Variants in KCP observed in about 807,000 individuals in gnomAD.
KCP encodes kielin/chordin-like protein.
Under a neutral mutation model 212.7 loss-of-function variants are expected in KCP, and 194 were observed. The observed-to-expected ratio is 0.91, with a 90% CI of 0.81 to 1.03. KCP has a LOEUF of 1.03. Among genes scored for constraint, KCP ranks in the 50% least tolerant of loss-of-function variants. The pLI is 0.00. For missense variants in KCP, 2,080 were observed against 2,162.5 expected (o/e 0.96, Z 0.76); for synonymous variants, 833 against 865.3 (o/e 0.96, Z 0.65).
At chr7:128,896,539 T>A (rs1469985908) in intron 8 of KCP, among the ~76,000 whole-genome samples, 1 of 152,148 alleles carries the variant, frequency 6.6e-6, no homozygotes. Context: ...TCGTGGGACA[T>A]GCGGAGCTTT....
Position 128,888,986 on chromosome 7 carries a change from G to T in KCP, c.2389C>A (p.Arg797=). The change falls in exon 22 of 40, where the codon CGA becomes AGA. Residue 797 remains arginine, a synonymous_variant. Transcript: ENST00000610776. ...YLSNQEFPDP[R]EPCNLCTCLG... ...CAGGTACACAGGTTGCAGGGTTCTC[G>T]GGGGTCTGGGAACTCCTGGTTACTC... The T allele has an allele frequency of 6.5e-7, 1 of 1,543,134 alleles. No homozygotes were observed. The highest frequency in any genetic ancestry group is 8.8e-7 in the Non-Finnish European group (1 of 1,141,906).
At chr7:128,883,501 G>A (rs954219588) in intron 29 of KCP, among the ~76,000 whole-genome samples, 18 of 151,990 alleles carry the variant, frequency 1.2e-4, no homozygotes, top group African/African-American at 4.4e-4. Context: ...TTTCAGTGTT[G>A]GTATAGGACC....
intron 4 of KCP, 44 bp downstream of exon 4, chr7:128,907,057 A>G (rs1447122476): frequency 6.6e-7 from 1 of 1,522,820 alleles, no homozygotes; most frequent in Non-Finnish European, 8.9e-7. Flanking sequence ...AGCTGGAGAG[A>G]GGCAGACAGG....
rs1793544524 is a variant in KCP at position 128,884,825 on chromosome 7, T to G, written c.3079A>C (p.Ser1027Arg). 1 of 1,550,438 alleles carries G rather than the reference T, an allele frequency of 6.4e-7. No individual in the cohort carries two copies. Among genetic ancestry groups the G allele is most frequent in the African/African-American group, 1.4e-5 (1 of 72,828 alleles). ...HEGRKYEPGESFQPGADPCEV... is the reference protein window; with the variant it reads ...HEGRKYEPGERFQPGADPCEV... ...CAGGGGTCTGCCCCAGGCTGGAAGC[T>G]CTCCCCAGGCTCGTACTTCCGGCCC... Residue 1027 changes from serine (S) to arginine (R), a missense_variant, in exon 28 of 40, where the codon AGC becomes CGC. Ser to Arg is a moderately radical substitution (Grantham distance 110, BLOSUM62 -1). Coordinates refer to ENST00000610776, the MANE Select transcript of KCP (RefSeq NM_001366122.1).
chr7:128,894,574 T>TA (rs1275104574), intron 8 of KCP, among the ~76,000 whole-genome samples: 1 of 151,942 alleles, frequency 6.6e-6, no homozygotes. Context: ...TTTGAGATGA[T>TA]AAAAAAGACT....
At chr7:128,906,195 C>G (rs1795109420) in intron 5 of KCP, 84 bp downstream of exon 5, 1 of 1,196,736 alleles carries the variant, frequency 8.4e-7, no homozygotes, top group African/African-American at 1.5e-5. Context: ...CTGGGCATGT[C>G]CCAGACTCAC....
Position 128,907,391 on chromosome 7 carries a change from G to C in KCP, c.282C>G (p.Pro94=). Residue 94 remains proline, a synonymous_variant, in exon 3 of 40, where the codon CCC becomes CCG. Coordinates refer to ENST00000610776, the MANE Select transcript of KCP (RefSeq NM_001366122.1). The part of the protein sequence containing the change: ...LESCECHPAS[P]QCWGLGRAWP... ...AGGCACGCCCCAGCCCCCAGCACTG[G>C]GGAGATGCAGGGTGGCACTCACAGG... 6.5e-7 allele frequency: 1 copy of C among 1,532,806 alleles called. No homozygotes were observed. Among genetic ancestry groups the C allele is most frequent in the Non-Finnish European group, 8.8e-7 (1 of 1,132,410 alleles). 95.0% of individuals were successfully genotyped at this position (1,532,806 alleles called of 1,614,324 possible).
At chr7:128,903,936 T>C (rs1794990732) in intron 6 of KCP, 116 bp from the exon 7 acceptor site, 1 of 1,346,890 alleles carries the variant, frequency 7.4e-7, no homozygotes. Context: ...AGGGAGAACC[T>C]AGCTGGCTCC....
rs958464319 is a variant in KCP at position 128,880,412 on chromosome 7, G to A, written c.3733C>T (p.Arg1245Cys). ...MAGTVRCQSQ[R>C]CSPLSCGPDK... ...GGGCCACACGAGAGCGGTGAGCAGC[G>A]CTGGCTCTGGCAACGCACGGTGCCC... Residue 1245 changes from arginine (R) to cysteine (C), a missense_variant, in exon 34 of 40, where the codon CGC becomes TGC. By Grantham distance (180) the Arg-to-Cys change is radical (BLOSUM62 -3). Transcript: ENST00000610776. 20 of 1,542,788 alleles carry A rather than the reference G, an allele frequency of 1.3e-5. No individual in the cohort carries two copies. The highest frequency in any genetic ancestry group is 9.6e-5 in the African/African-American group (7 of 73,022).
In KCP at chr7:128,891,708, GGGCGA is replaced by G; in HGVS notation, c.1728_1732del (p.Arg577LeufsTer40). ...GTGGGCACAGGGGGCCCTGGGGCAG[GGGCGA>G]GGCTGGCAGTGGGCATGGCCTTCCT... On this transcript the variant is annotated frameshift_variant, in exon 17 of 40. Transcript: ENST00000610776. LOFTEE classifies it high-confidence loss of function. The G allele has an allele frequency of 6.9e-7, 1 of 1,449,868 alleles. No individual in the cohort carries two copies. Among genetic ancestry groups the G allele is most frequent in the Non-Finnish European group, 9.1e-7 (1 of 1,099,664 alleles). 89.8% of individuals were successfully genotyped at this position (1,449,868 alleles called of 1,614,324 possible). A position where few individuals can be genotyped will look rare whatever the true frequency, so the allele number is the denominator to read the frequency against.
intron 16 of KCP, among the ~76,000 whole-genome samples, chr7:128,892,148 C>T (rs1794192056): frequency 6.6e-6 from 1 of 151,840 alleles, no homozygotes; most frequent in African/African-American, 2.4e-5. Flanking sequence ...ATCCCAGCAC[C>T]CGGCCTCCTA....
intron 1 of KCP, among the ~76,000 whole-genome samples, chr7:128,908,833 T>A (rs1035761822): frequency 6.6e-6 from 1 of 152,138 alleles, no homozygotes; most frequent in Admixed American, 6.5e-5. Flanking sequence ...GCAGCCCCCA[T>A]CCCCTGACTC....
chr7:128,908,270 G>T (rs947897381), intron 2 of KCP, among the ~76,000 whole-genome samples, 156 bp downstream of exon 2: 1 of 149,322 alleles, frequency 6.7e-6, no homozygotes, highest in Admixed American at 6.7e-5. Context: ...AAGAAAGAAA[G>T]AAAGAAAGAA....
chr7:128,879,278 G>T (rs1563017894), intron 37 of KCP: 1 of 533,034 alleles, frequency 1.9e-6, no homozygotes, highest in Non-Finnish European at 3.4e-6. Context: ...TGGCCCAGAG[G>T]AGGCTGGTGG....
At position 128,894,025 on chromosome 7, in the gene KCP, C is replaced by T; in HGVS notation, c.956G>A (p.Ser319Asn). The change falls in exon 10 of 40, where the codon AGC becomes AAC. Residue 319 changes from serine to asparagine, a missense_variant. Ser to Asn is a conservative substitution (Grantham distance 46). Coordinates refer to ENST00000610776, the MANE Select transcript of KCP (RefSeq NM_001366122.1). ...GTCCCCTGAGCCCACAGGCTCCCCG[C>T]TGCGGTGCTCCCGCCCGTTTAGGAA... ...GCFLNGREHR[S>N]GEPVGSGDPC... is the part of the protein sequence containing the mutation. 6.5e-7 allele frequency: 1 copy of T among 1,550,134 alleles called. No individual in the cohort carries two copies. The highest frequency in any genetic ancestry group is 8.7e-7 in the Non-Finnish European group (1 of 1,146,420).
In KCP at chr7:128,906,167, G is replaced by T. The variant is rs1418116817; in HGVS notation, c.571+112C>A. ...CTGCACTCCCCTGGCCACTGTCAGA[G>T]TGAGTGGGTAGGCACCCCTGGGCAT... is the stretch of plus-strand genomic sequence containing the variant. On this transcript the variant is annotated intron_variant, in intron 5 of 39. Coordinates refer to ENST00000610776, the MANE Select transcript of KCP (RefSeq NM_001366122.1). 3 of 870,196 alleles carry T rather than the reference G, an allele frequency of 3.4e-6. No homozygotes were observed. In the East Asian group the frequency reaches 7.9e-5, roughly 23 times the overall value. 53.9% of individuals were successfully genotyped at this position (870,196 alleles called of 1,614,324 possible).
At chr7:128,901,624 T>TC (rs1270175084) in intron 8 of KCP, among the ~76,000 whole-genome samples, 1 of 144,472 alleles carries the variant, frequency 6.9e-6, no homozygotes, top group Non-Finnish European at 1.5e-5. Flanking sequence ...AGACTCCGCC[T>TC]CAAAAAAAAA....
In KCP at chr7:128,892,929, G is replaced by A. The variant is rs1298690166; in HGVS notation, c.1360C>T (p.Pro454Ser). 1.3e-6 allele frequency: 2 copies of A among 1,498,434 alleles called. No homozygotes were observed. The highest frequency in any genetic ancestry group is 2.5e-5 in the East Asian group (1 of 40,650). 92.8% of individuals were successfully genotyped at this position (1,498,434 alleles called of 1,614,324 possible). The change falls in exon 14 of 40, where the codon CCC becomes TCC. Residue 454 changes from proline (P) to serine (S), a missense_variant. Physicochemically the swap from Pro to Ser is moderately conservative, Grantham distance 74 (BLOSUM62 -1). Transcript: ENST00000610776. The stretch of plus-strand genomic sequence containing the variant: ...GGGCAGAGCACAGCCCCGCACTTGG[G>A]TACCCCATCTTGACAGACGCAGGCG... ...CTACVCQDGV[P>S]KCGAVLCPPA...
intron 28 of KCP, 72 bp downstream of exon 28, chr7:128,884,709 C>T: frequency 2.9e-6 from 4 of 1,376,048 alleles, no homozygotes; most frequent in Non-Finnish European, 2.0e-6. Flanking sequence ...ACCAGCTTGG[C>T]TGGGCCTCAT....
Sources: allele counts gnomAD v4.1 joint callset (sites outside exome capture counted in the v4.1 genomes callset), GRCh38; gene constraint gnomAD v4.1.1; transcripts MANE v1.5; gene names NCBI Gene and HGNC (gene_info 2026-07-23, HGNC 2026-07-21).